RBFOX1: variants seen among roughly 807,000 people sequenced by gnomAD.
The protein encoded by RBFOX1 is RNA binding protein fox-1 homolog 1.
In RBFOX1, 8 loss-of-function variants were observed where a neutral mutation model predicts 57.7. The ratio of observed to expected loss-of-function variants is 0.14; its 90% CI spans 0.08 to 0.25. The LOEUF (loss-of-function observed/expected upper bound fraction) is 0.25. Ranked by LOEUF, RBFOX1 falls within the 10% of genes least tolerant of loss-of-function variation. The pLI is 1.00. For synonymous variants in RBFOX1, 326 were observed against 222.4 expected (o/e 1.47, Z -4.15); for missense variants, 611 against 548.5 (o/e 1.11, Z -1.14).
chr16:7,537,374 G>C (rs1205294636), intron 5 of RBFOX1, among the ~76,000 whole-genome samples: 1 of 152,212 alleles, frequency 6.6e-6, no homozygotes, highest in Non-Finnish European at 1.5e-5. Flanking sequence ...TTCTGAGAGT[G>C]ACCATTGAGG....
chr16:7,419,764 C>T (rs941869409), intron 4 of RBFOX1, among the ~76,000 whole-genome samples: 2 of 152,152 alleles, frequency 1.3e-5, no homozygotes, highest in East Asian at 3.9e-4. Context: ...GTGGCACCTC[C>T]TATCTGGTTG....
intron 1 of RBFOX1, among the ~76,000 whole-genome samples, chr16:6,136,528 A>C (rs1478191975): frequency 6.6e-6 from 1 of 152,176 alleles, no homozygotes; most frequent in Non-Finnish European, 1.5e-5. Context: ...GATTTCCTAG[A>C]AACTACCCAT....
chr16:6,810,728 T>A (rs955677270), intron 3 of RBFOX1, among the ~76,000 whole-genome samples: 1 of 152,040 alleles, frequency 6.6e-6, no homozygotes, highest in African/African-American at 2.4e-5. Flanking sequence ...GCAAATACCT[T>A]CTTCACAGGG....
rs1227189645 is a variant in RBFOX1 at position 7,644,352 on chromosome 16, A to G, written c.758-9463A>G. The stretch of plus-strand genomic sequence containing the variant: ...CTAGCTGTTATCATCATGCAATTGA[A>G]TTTTCTCCACCTGATAATGGAGCCT... On this transcript the variant is annotated intron_variant, in intron 11 of 15. Coordinates refer to ENST00000550418, the MANE Select transcript of RBFOX1 (RefSeq NM_018723.4). 3.3e-5 allele frequency among the ~76,000 whole-genome samples: 5 copies of G among 152,180 alleles called. No homozygotes were observed. The East Asian group carries it at 9.7e-4, about 29-fold the overall frequency.
At chr16:6,468,418 G>T (rs532496196) in intron 2 of RBFOX1, among the ~76,000 whole-genome samples, 33 of 152,276 alleles carry the variant, frequency 2.2e-4, no homozygotes, top group African/African-American at 7.9e-4. Context: ...CAACGATGTT[G>T]TAAAGAATAC....
chr16:7,555,100 G>A (rs937531527), intron 5 of RBFOX1, among the ~76,000 whole-genome samples: 2 of 152,176 alleles, frequency 1.3e-5, no homozygotes, highest in Non-Finnish European at 1.5e-5. Context: ...GGTAAGGGGG[G>A]GTTTTTAGTA....
intron 4 of RBFOX1, among the ~76,000 whole-genome samples, chr16:5,881,350 G>A (rs140643338): frequency 6.6e-6 from 1 of 152,142 alleles, no homozygotes; most frequent in African/African-American, 2.4e-5. Flanking sequence ...TTAACCTGTG[G>A]CTTCTTCTTT....
chr16:7,196,944 A>G (rs1309051138), intron 4 of RBFOX1, among the ~76,000 whole-genome samples: 1 of 152,328 alleles, frequency 6.6e-6, no homozygotes. Context: ...GGTTATCTGA[A>G]ATATATAAAT....
intron 3 of RBFOX1, among the ~76,000 whole-genome samples, chr16:6,996,283 A>G (rs1005136497): frequency 2.0e-5 from 3 of 152,148 alleles, no homozygotes; most frequent in African/African-American, 7.2e-5. Flanking sequence ...GAGTATCTCT[A>G]CTTTAGAATA....
At chr16:6,004,931 C>T (rs750725580) in intron 4 of RBFOX1, among the ~76,000 whole-genome samples, 44 of 152,276 alleles carry the variant, frequency 2.9e-4, no homozygotes, top group Non-Finnish European at 5.1e-4. Flanking sequence ...ATGTCACATG[C>T]ACAGTCTTGT....
intron 2 of RBFOX1, among the ~76,000 whole-genome samples, chr16:6,418,817 C>T (rs1463897344): frequency 6.6e-6 from 1 of 152,174 alleles, no homozygotes; most frequent in East Asian, 1.9e-4. Context: ...GCATGAGCCA[C>T]CACGTCTGGC....
At chr16:5,755,716 G>A (rs569584457) in intron 3 of RBFOX1, among the ~76,000 whole-genome samples, 12 of 151,984 alleles carry the variant, frequency 7.9e-5, no homozygotes, top group Admixed American at 6.6e-5. Flanking sequence ...CTCCTGACTC[G>A]GCCTCCGAAG....
At chr16:7,192,927 A>G (rs1322574969) in intron 4 of RBFOX1, among the ~76,000 whole-genome samples, 1 of 152,204 alleles carries the variant, frequency 6.6e-6, no homozygotes, top group South Asian at 2.1e-4. Flanking sequence ...ACAATGTAAA[A>G]AGCAGAGAGA....
chr16:6,104,842 A>T (rs997903902), intron 1 of RBFOX1, among the ~76,000 whole-genome samples: 5 of 152,256 alleles, frequency 3.3e-5, no homozygotes, highest in Non-Finnish European at 4.4e-5. Flanking sequence ...GCTGCAAAAG[A>T]CTACTTATTA....
intron 1 of RBFOX1, among the ~76,000 whole-genome samples, chr16:6,299,828 T>C (rs988365969): frequency 4.6e-5 from 7 of 152,086 alleles, no homozygotes; most frequent in Admixed American, 3.3e-4. Flanking sequence ...GTTTCCTCAA[T>C]GGTAAAAAAA....
chr16:6,714,976 C>G (rs932532873), intron 3 of RBFOX1, among the ~76,000 whole-genome samples: 1 of 152,090 alleles, frequency 6.6e-6, no homozygotes, highest in African/African-American at 2.4e-5. Context: ...GTGGTTAAGC[C>G]TCGAAGATGG....
chr16:7,207,899 GA>G (rs1481418614), intron 4 of RBFOX1, among the ~76,000 whole-genome samples: 1 of 152,162 alleles, frequency 6.6e-6, no homozygotes, highest in Non-Finnish European at 1.5e-5. Flanking sequence ...AGTGAGAGTT[GA>G]ACTCCACAGG....
At chr16:5,689,576 T>C (rs911610096) in intron 3 of RBFOX1, among the ~76,000 whole-genome samples, 5 of 152,204 alleles carry the variant, frequency 3.3e-5, no homozygotes, top group African/African-American at 9.6e-5. Flanking sequence ...TTTGGGACCT[T>C]AGAATATTTC....
intron 3 of RBFOX1, among the ~76,000 whole-genome samples, chr16:6,827,981 C>T (rs535366811): frequency 6.6e-6 from 1 of 152,206 alleles, no homozygotes; most frequent in Non-Finnish European, 1.5e-5. Flanking sequence ...GGGGACAAAT[C>T]TTGTCTGCTT....
Sources: allele counts gnomAD v4.1 joint callset (sites outside exome capture counted in the v4.1 genomes callset), GRCh38; gene constraint gnomAD v4.1.1; transcripts MANE v1.5; gene names NCBI Gene and HGNC (gene_info 2026-07-23, HGNC 2026-07-21).